EXPH5: variants seen among roughly 807,000 people sequenced by gnomAD.
EXPH5 encodes exophilin 5.
Under a neutral mutation model 41.1 loss-of-function variants are expected in EXPH5, and 42 were observed. That is an observed-to-expected ratio of 1.02 (90% confidence interval 0.80 to 1.32). The LOEUF is 1.32. Ranked by LOEUF, EXPH5 falls within the 40% of genes most tolerant of loss-of-function variation. The pLI is 0.00. For synonymous variants in EXPH5, 798 were observed against 833.5 expected (o/e 0.96, Z 0.73); for missense variants, 2,298 against 2,314.5 (o/e 0.99, Z 0.15).
chr11:108,553,032 C>CA lies in EXPH5; in HGVS notation c.120-11221dup, dbSNP rs1237036628. On this transcript the variant is annotated intron_variant, in intron 1 of 5. Coordinates refer to ENST00000265843, the MANE Select transcript of EXPH5 (RefSeq NM_015065.3). ...CCAACATGGTGAAAGCCTGTCTCTACAAAAAATACAAAAAAATTAGCCATG... is the reference window on the plus strand; with the variant it reads ...CCAACATGGTGAAAGCCTGTCTCTACAAAAAAATACAAAAAAATTAGCCATG... Among the ~76,000 whole-genome samples the CA allele has an allele frequency of 2.0e-5, 3 of 152,018 alleles. No homozygotes were observed. The East Asian group carries it at 5.8e-4, about 29-fold the overall frequency.
chr11:108,564,515 T>C (rs2094026256), intron 1 of EXPH5, among the ~76,000 whole-genome samples: 1 of 152,198 alleles, frequency 6.6e-6, no homozygotes, highest in South Asian at 2.1e-4. Context: ...CTGTAACATA[T>C]GATCCTACTC....
chr11:108,515,703 G>A (rs1365791972), intron 5 of EXPH5, among the ~76,000 whole-genome samples: 2 of 152,128 alleles, frequency 1.3e-5, no homozygotes, highest in Non-Finnish European at 2.9e-5. Flanking sequence ...ACACAGCACT[G>A]GGATTTGAAC....
At chr11:108,594,174 T>C (rs1373438568), upstream of EXPH5, among the ~76,000 whole-genome samples, 1 of 152,200 alleles carries the variant, frequency 6.6e-6, no homozygotes, top group Non-Finnish European at 1.5e-5. Flanking sequence ...TCAATTACAC[T>C]ACTGACTGTG....
Position 108,539,063 on chromosome 11 carries a change from C to G in EXPH5, c.404G>C (p.Gly135Ala). ...FASLFSFRKS[G>A]KETSKLPSLG... ...TGATGGAAGCTTTGAAGTCTCCTTTCCAGATTTCCTGAATGAGAACAGGGA... is the reference window on the plus strand; with the variant it reads ...TGATGGAAGCTTTGAAGTCTCCTTTGCAGATTTCCTGAATGAGAACAGGGA... Residue 135 changes from glycine to alanine, a missense_variant, in exon 3 of 6, where the codon GGA becomes GCA. By Grantham distance (60) the Gly-to-Ala change is moderately conservative. Transcript: ENST00000265843. 1.2e-6 allele frequency: 2 copies of G among 1,607,248 alleles called. No individual in the cohort carries two copies. The highest frequency in any genetic ancestry group is 2.7e-5 in the African/African-American group (2 of 74,842).
At chr11:108,574,223 T>C (rs903750226) in intron 1 of EXPH5, among the ~76,000 whole-genome samples, 1 of 151,918 alleles carries the variant, frequency 6.6e-6, no homozygotes, top group Admixed American at 6.6e-5. Context: ...AAAAGATTTT[T>C]AAAAAATTAG....
intron 1 of EXPH5, among the ~76,000 whole-genome samples, chr11:108,545,901 TA>T (rs1004788222): frequency 5.7e-4 from 79 of 139,372 alleles, no homozygotes; most frequent in Non-Finnish European, 8.2e-4. Context: ...AGATTTTGTC[TA>T]AAAAAAAAAA....
In EXPH5 at chr11:108,509,489, C is replaced by A. The variant is rs766635927; in HGVS notation, c.*48G>T. ...CACATGCACATGTACACCTTAGTTC[C>A]ATTATAAGCTTTTGGTGAAAAAAGT... On this transcript the variant is annotated 3_prime_UTR_variant, in exon 6 of 6. Transcript: ENST00000265843. 17 of 1,499,946 alleles carry A rather than the reference C, an allele frequency of 1.1e-5. No homozygotes were observed. Among genetic ancestry groups the A allele is most frequent in the Non-Finnish European group, 1.5e-5 (17 of 1,120,288 alleles). 92.9% of individuals were successfully genotyped at this position (1,499,946 alleles called of 1,614,324 possible). A position where few individuals can be genotyped will look rare whatever the true frequency, so the allele number is the denominator to read the frequency against.
At chr11:108,583,243 G>T (rs140229612) in intron 1 of EXPH5, among the ~76,000 whole-genome samples, 1 of 151,830 alleles carries the variant, frequency 6.6e-6, no homozygotes, top group Non-Finnish European at 1.5e-5. Flanking sequence ...TTAGCCGGGC[G>T]TGGTGGCGGG....
chr11:108,604,227 CAAAAA>C, the EXPH5 span, among the ~76,000 whole-genome samples: 4 of 109,720 alleles, frequency 3.6e-5, no homozygotes, highest in Non-Finnish European at 5.4e-5. Context: ...CCCATCTCTA[CAAAAA>C]AAAAAAAAAA....
In EXPH5 at chr11:108,593,414, G is replaced by C; in HGVS notation, c.119+4C>G. 6.2e-7 allele frequency: 1 copy of C among 1,611,520 alleles called. No homozygotes were observed. The highest frequency in any genetic ancestry group is 8.5e-7 in the Non-Finnish European group (1 of 1,177,594). On this transcript the variant is annotated splice_donor_region_variant and intron_variant, in intron 1 of 5. Coordinates refer to ENST00000265843, the MANE Select transcript of EXPH5 (RefSeq NM_015065.3). ...AGGACAAAAGAAATGAATTTGCTCT[G>C]TACCTGATCCTGTCCTTCTCGGCCC...
intron 1 of EXPH5, chr11:108,568,070 C>A (rs2094042309): frequency 6.6e-6 from 1 of 151,664 alleles, no homozygotes; most frequent in African/African-American, 2.4e-5. Flanking sequence ...AGACAAAACA[C>A]CCTTCTGCTG....
intron 2 of EXPH5, among the ~76,000 whole-genome samples, chr11:108,540,826 C>A (rs2093908597): frequency 1.3e-5 from 2 of 152,070 alleles, no homozygotes. Context: ...TCCTCCACCC[C>A]TCCCCTTTTT....
In EXPH5 at chr11:108,509,747, G is replaced by T; in HGVS notation, c.5760C>A (p.Gly1920=). The T allele has an allele frequency of 6.2e-7, 1 of 1,607,142 alleles. No homozygotes were observed. The highest frequency in any genetic ancestry group is 8.5e-7 in the Non-Finnish European group (1 of 1,177,978). ...LWKPSFLKNP[G]FLKDDLRNPP... ...GGTTCCTCAAATCATCTTTTAGGAA[G>T]CCAGGGTTCTTAAGAAAACTTGGTT... Residue 1920 remains glycine, a synonymous_variant, in exon 6 of 6, where the codon GGC becomes GGA. Coordinates refer to ENST00000265843, the MANE Select transcript of EXPH5 (RefSeq NM_015065.3).
rs1024233298 is a variant in EXPH5 at position 108,514,832 on chromosome 11, T to C, written c.675A>G (p.Ala225=). 1 of 1,544,250 alleles carries C rather than the reference T, an allele frequency of 6.5e-7. No individual in the cohort carries two copies. Among genetic ancestry groups the C allele is most frequent in the Non-Finnish European group, 8.7e-7 (1 of 1,152,750 alleles). Reference sequence around the variant, plus strand: ...GGGGTGTTCTGGTATTCACTGAGCTTGCAGACTGTTCCTGAGCCAATTTGC... The same window carrying C: ...GGGGTGTTCTGGTATTCACTGAGCTCGCAGACTGTTCCTGAGCCAATTTGC... ...LDSKLAQEQS[A]SSVNTRTPLN... is the part of the protein sequence containing the mutation. Residue 225 remains alanine (A), a synonymous_variant, in exon 6 of 6, where the codon GCA becomes GCG. Transcript: ENST00000265843.
upstream of EXPH5, among the ~76,000 whole-genome samples, chr11:108,596,466 C>T (rs1565841544): frequency 6.6e-6 from 1 of 152,056 alleles, no homozygotes; most frequent in Non-Finnish European, 1.5e-5. Flanking sequence ...AAAAGGAGAC[C>T]AGTCTATTTG....
rs144024137 is a variant in EXPH5 at position 108,511,968 on chromosome 11, T to C, written c.3539A>G (p.His1180Arg). The C allele has an allele frequency of 5.0e-6, 8 of 1,599,834 alleles. No homozygotes were observed. Among genetic ancestry groups the C allele is most frequent in the Non-Finnish European group, 6.8e-6 (8 of 1,175,936 alleles). ...VRDCSLTKRQHQKENFQEYTE... is the reference protein window; with the variant it reads ...VRDCSLTKRQRQKENFQEYTE... ...GTATTCTTGGAAGTTTTCCTTTTGG[T>C]GTTGTCTTTTGGTTAAAGAACAATC... The change falls in exon 6 of 6, where the codon CAC becomes CGC. Residue 1180 changes from histidine to arginine, a missense_variant. His to Arg is a conservative substitution (Grantham distance 29). Coordinates refer to ENST00000265843, the MANE Select transcript of EXPH5 (RefSeq NM_015065.3).
intron 1 of EXPH5, among the ~76,000 whole-genome samples, chr11:108,545,399 T>C (rs1379040364): frequency 1.3e-5 from 2 of 152,118 alleles, no homozygotes; most frequent in African/African-American, 4.8e-5. Context: ...GCAAAGCAGA[T>C]AGGGCTCCCA....
In EXPH5 at chr11:108,511,540, T is replaced by A. The variant is rs200520780; in HGVS notation, c.3967A>T (p.Thr1323Ser). Residue 1323 changes from threonine (T) to serine (S), a missense_variant, in exon 6 of 6, where the codon ACG becomes TCG. Transcript: ENST00000265843. ...GCAGTCATATTTTCAGTGGTGAGCGTCTGATCAGAGTTGACGGACATCTTT... is the reference window on the plus strand; with the variant it reads ...GCAGTCATATTTTCAGTGGTGAGCGACTGATCAGAGTTGACGGACATCTTT... Reference protein sequence around the residue: ...NLKMSVNSDQTLTTENMTAFR... With the variant: ...NLKMSVNSDQSLTTENMTAFR... The A allele has an allele frequency of 2.9e-5, 47 of 1,611,172 alleles. No individual in the cohort carries two copies. The East Asian group carries it at 3.8e-4, about 13-fold the overall frequency.
intron 4 of EXPH5, among the ~76,000 whole-genome samples, chr11:108,519,415 CA>C (rs1228293475): frequency 6.6e-6 from 1 of 152,064 alleles, no homozygotes; most frequent in East Asian, 1.9e-4. Context: ...CCTATTTTTT[CA>C]AGACCCTGTT....
Sources: gnomAD v4.1 joint callset for allele counts (sites outside exome capture counted in the v4.1 genomes callset) on GRCh38, gnomAD v4.1.1 for gene constraint, MANE v1.5 for transcripts, NCBI Gene and HGNC (gene_info 2026-07-23, HGNC 2026-07-21) for gene names.